CACNB2: variants seen among roughly 807,000 people sequenced by gnomAD.
CACNB2 encodes voltage-dependent L-type calcium channel subunit beta-2.
A neutral mutation model predicts 73.3 loss-of-function variants in CACNB2; 42 were observed. The observed-to-expected ratio is 0.57, with a 90% confidence interval of 0.45 to 0.74. The LOEUF (loss-of-function observed/expected upper bound fraction) is 0.74, where lower values mean the gene tolerates loss of function less well. CACNB2 is among the 30% of genes least tolerant of loss of function. The pLI is 0.00. For synonymous variants in CACNB2, 348 were observed against 310.3 expected (o/e 1.12, Z -1.28); for missense variants, 940 against 853.0 (o/e 1.10, Z -1.27).
intron 2 of CACNB2, among the ~76,000 whole-genome samples, chr10:18,251,714 A>G (rs2037098634): frequency 6.6e-6 from 1 of 152,234 alleles, no homozygotes; most frequent in African/African-American, 2.4e-5. Context: ...CAGAAAACTT[A>G]TAATCATGGC....
chr10:18,273,278 C>T (rs1173052538), intron 2 of CACNB2, among the ~76,000 whole-genome samples: 1 of 151,976 alleles, frequency 6.6e-6, no homozygotes, highest in Non-Finnish European at 1.5e-5. Flanking sequence ...GAGGGGAGGG[C>T]TACTTGATCG....
intron 2 of CACNB2, among the ~76,000 whole-genome samples, chr10:18,278,471 T>A (rs2038392840): frequency 6.6e-6 from 1 of 152,066 alleles, no homozygotes; most frequent in Admixed American, 6.6e-5. Context: ...GTCTTATGTA[T>A]TCCCCAGGTG....
chr10:18,263,454 A>G (rs553979429), intron 2 of CACNB2, among the ~76,000 whole-genome samples: 13 of 152,232 alleles, frequency 8.5e-5, no homozygotes, highest in Non-Finnish European at 1.9e-4. Flanking sequence ...CTAAATGTCA[A>G]TATTTATATA....
intron 6 of CACNB2, among the ~76,000 whole-genome samples, chr10:18,512,079 A>C (rs2050827266): frequency 2.6e-5 from 4 of 152,188 alleles, no homozygotes; most frequent in Admixed American, 2.6e-4. Context: ...ATTTGAAGTG[A>C]GATTATGCAT....
intron 2 of CACNB2, among the ~76,000 whole-genome samples, chr10:18,276,267 T>C (rs752026797): frequency 1.3e-5 from 2 of 152,216 alleles, no homozygotes; most frequent in Non-Finnish European, 2.9e-5. Context: ...AGGCCAATCT[T>C]ATTGGAAACG....
At chr10:18,320,650 G>A (rs1042212870) in intron 2 of CACNB2, among the ~76,000 whole-genome samples, 1 of 152,180 alleles carries the variant, frequency 6.6e-6, no homozygotes, top group Non-Finnish European at 1.5e-5. Context: ...CATCTCATCT[G>A]TAGAATGGGG....
At chr10:18,333,739 G>A (rs2040894140) in intron 2 of CACNB2, among the ~76,000 whole-genome samples, 1 of 152,148 alleles carries the variant, frequency 6.6e-6, no homozygotes, top group African/African-American at 2.4e-5. Flanking sequence ...AGATGACACT[G>A]TTGAGGCATA....
At position 18,498,638 on chromosome 10, in the gene CACNB2, A is replaced by G. The variant is rs2049985578; in HGVS notation, c.456+161A>G. On this transcript the variant is annotated intron_variant, in intron 4 of 13. Coordinates refer to ENST00000324631, the MANE Select transcript of CACNB2 (RefSeq NM_201596.3). ...AATGGCTCTCAACCTCTGCTAATAT[A>G]AATATACCTTTTAAAGTGGAAAGAA... 11 of 727,164 alleles carry G rather than the reference A, an allele frequency of 1.5e-5. No homozygotes were observed. In the South Asian group the frequency reaches 1.8e-4, roughly 12 times the overall value. 45.0% of individuals were successfully genotyped at this position (727,164 alleles called of 1,614,324 possible).
At chr10:18,453,692 C>T (rs1341043451) in intron 3 of CACNB2, among the ~76,000 whole-genome samples, 17 of 152,178 alleles carry the variant, frequency 1.1e-4, no homozygotes, top group African/African-American at 3.4e-4. Context: ...TGCAGTGGCG[C>T]GATCTCGGCT....
intron 2 of CACNB2, among the ~76,000 whole-genome samples, chr10:18,215,882 A>C (rs2035492007): frequency 6.6e-6 from 1 of 152,034 alleles, no homozygotes; most frequent in Non-Finnish European, 1.5e-5. Flanking sequence ...CAGTGCTTTC[A>C]TTGTTTCTTA....
At chr10:18,251,570 C>T (rs968139550) in intron 2 of CACNB2, among the ~76,000 whole-genome samples, 5 of 152,138 alleles carry the variant, frequency 3.3e-5, no homozygotes, top group Non-Finnish European at 7.4e-5. Context: ...TCTGTTTCCT[C>T]ATTTGTAACC....
chr10:18,416,725 G>A lies in CACNB2; in HGVS notation c.333+14682G>A, dbSNP rs147882825. 3.7e-3 allele frequency among the ~76,000 whole-genome samples: 568 copies of A among 152,270 alleles called. 18 individuals are homozygous for A. The highest frequency in any genetic ancestry group is 0.028 in the Admixed American group (423 of 15,294). ...TTCAATGAGCCTGTCAAGGTGGACT[G>A]TCAGCAAGCAGGAACTATAGCGTAT... On this transcript the variant is annotated intron_variant, in intron 3 of 13. Coordinates refer to ENST00000324631, the MANE Select transcript of CACNB2 (RefSeq NM_201596.3).
chr10:18,506,862 T>C (rs2133076634), intron 6 of CACNB2, among the ~76,000 whole-genome samples: 1 of 152,340 alleles, frequency 6.6e-6, no homozygotes, highest in African/African-American at 2.4e-5. Context: ...TGCAGTGGCA[T>C]GATCGCAGCT....
chr10:18,388,499 C>T (rs1474079724), intron 2 of CACNB2, among the ~76,000 whole-genome samples: 1 of 152,116 alleles, frequency 6.6e-6, no homozygotes, highest in Non-Finnish European at 1.5e-5. Flanking sequence ...TTTCTGAGTA[C>T]TCCACACCAC....
intron 2 of CACNB2, among the ~76,000 whole-genome samples, chr10:18,274,788 A>G (rs575244753): frequency 1.3e-5 from 2 of 152,276 alleles, no homozygotes; most frequent in South Asian, 2.1e-4. Context: ...TCTTATTTCT[A>G]TGGACCAAAA....
intron 2 of CACNB2, among the ~76,000 whole-genome samples, chr10:18,323,509 T>A (rs2040471671): frequency 6.6e-6 from 1 of 152,156 alleles, no homozygotes; most frequent in Admixed American, 6.5e-5. Context: ...GTCTGTTTTT[T>A]AATTTTGGAA....
In CACNB2 at chr10:18,140,749, G is replaced by C; in HGVS notation, c.13G>C (p.Asp5His). Reference sequence around the variant, plus strand: ...CGACTTTTCGCCAATGGTCCAAAGGGACATGTCCAAGTCGCCTCCCACAGC... The same window carrying C: ...CGACTTTTCGCCAATGGTCCAAAGGCACATGTCCAAGTCGCCTCCCACAGC... MVQR[D>H]MSKSPPTAAA... The change falls in exon 1 of 14, where the codon GAC becomes CAC. Residue 5 changes from aspartate (D) to histidine (H), a missense_variant. Transcript: ENST00000324631. 1 of 1,594,912 alleles carries C rather than the reference G, an allele frequency of 6.3e-7. No homozygotes were observed. Among genetic ancestry groups the C allele is most frequent in the Non-Finnish European group, 8.5e-7 (1 of 1,172,338 alleles).
intron 2 of CACNB2, among the ~76,000 whole-genome samples, chr10:18,348,050 C>T (rs1174989828): frequency 6.6e-6 from 1 of 152,094 alleles, no homozygotes. Flanking sequence ...AAAAGAAGAG[C>T]CTCATGATAT....
intron 3 of CACNB2, among the ~76,000 whole-genome samples, chr10:18,490,934 A>C (rs2049379636): frequency 6.6e-6 from 1 of 152,068 alleles, no homozygotes; most frequent in Non-Finnish European, 1.5e-5. Context: ...CCTCAGTTAC[A>C]TTTGGCCTTG....
Sources: gnomAD v4.1 joint callset for allele counts (sites outside exome capture counted in the v4.1 genomes callset) on GRCh38, gnomAD v4.1.1 for gene constraint, MANE v1.5 for transcripts, NCBI Gene and HGNC (gene_info 2026-07-23, HGNC 2026-07-21) for gene names.